WDR70: variants seen among roughly 807,000 people sequenced by gnomAD.
WDR70 encodes the protein WD repeat domain 70, also known as WD repeat-containing protein 70.
In WDR70, 53 loss-of-function variants were observed where a neutral mutation model predicts 88.6. The ratio of observed to expected loss-of-function variants is 0.60; its 90% confidence interval spans 0.48 to 0.75. The LOEUF (loss-of-function observed/expected upper bound fraction) is 0.75, where lower values mean the gene tolerates loss of function less well. Among genes scored for constraint, WDR70 ranks in the 30% least tolerant of loss-of-function variants. The probability of loss-of-function intolerance (pLI) is 0.00; values close to 1 mark genes in which losing one functional copy is unlikely to be tolerated. For missense variants in WDR70, 610 were observed against 823.2 expected, an observed-to-expected ratio of 0.74 and a Z score of 3.17; for synonymous variants, 280 against 270.0, an observed-to-expected ratio of 1.04 and a Z score of -0.36.
Position 37,737,116 on chromosome 5 carries a change from A to G in WDR70, c.1877+10071A>G, listed in dbSNP as rs544180315. Among the ~76,000 whole-genome samples the G allele has an allele frequency of 2.6e-5, 4 of 152,298 alleles. No individual in the cohort carries two copies. The South Asian group carries it at 8.3e-4, about 32-fold the overall frequency. The stretch of plus-strand genomic sequence containing the variant: ...ATGAAGTGAGGAACACCTGATATCC[A>G]AAGCAAGGTATATAATAATAATGAT... On this transcript the variant is annotated intron_variant, in intron 17 of 17. Transcript: ENST00000265107.
At chr5:37,514,071 C>G (rs1740803849) in intron 8 of WDR70, among the ~76,000 whole-genome samples, 1 of 151,700 alleles carries the variant, frequency 6.6e-6, no homozygotes, top group Non-Finnish European at 1.5e-5. Context: ...CTGGAGTATA[C>G]TGGTACAGTT....
intron 8 of WDR70, among the ~76,000 whole-genome samples, chr5:37,498,657 C>T (rs1382635277): frequency 1.3e-4 from 20 of 152,176 alleles, no homozygotes. Flanking sequence ...CTTTATTTCT[C>T]AGTAAATGGC....
chr5:37,496,851 A>G (rs1561875506), intron 8 of WDR70, among the ~76,000 whole-genome samples: 1 of 152,170 alleles, frequency 6.6e-6, no homozygotes, highest in Non-Finnish European at 1.5e-5. Context: ...CTGGGAGATA[A>G]GCAGGCTATG....
chr5:37,505,981 A>G, intron 8 of WDR70: 1 of 1,587,544 alleles, frequency 6.3e-7, no homozygotes, highest in Non-Finnish European at 8.6e-7. Flanking sequence ...TCAAAATTAC[A>G]CAGTTTCAGG....
chr5:37,610,938 A>C (rs561103309), intron 10 of WDR70, among the ~76,000 whole-genome samples: 2 of 152,338 alleles, frequency 1.3e-5, no homozygotes, highest in East Asian at 3.9e-4. Flanking sequence ...CTTACTTCCC[A>C]AAACAGTCTT....
Position 37,487,621 on chromosome 5 carries a change from A to ATTTTTTTTTT in WDR70, c.840+7635_840+7636insTTTTTTTTTT, listed in dbSNP as rs1561871968. ...TATAAATATATATATATATATATAT[A>ATTTTTTTTTT]TATGTATTTTTTTTTTTTTTTTTGA... On this transcript the variant is annotated intron_variant, in intron 8 of 17. Transcript: ENST00000265107. Among the ~76,000 whole-genome samples the ATTTTTTTTTT allele has an allele frequency of 7.4e-4, 28 of 37,678 alleles. 1 individual carries two copies. Among genetic ancestry groups the ATTTTTTTTTT allele is most frequent in the African/African-American group, 2.0e-3 (27 of 13,682 alleles). 24.7% of individuals were successfully genotyped at this position (37,678 alleles called of 152,430 possible).
intron 8 of WDR70, among the ~76,000 whole-genome samples, chr5:37,481,401 G>A (rs1739665576): frequency 6.6e-6 from 1 of 152,088 alleles, no homozygotes; most frequent in Admixed American, 6.5e-5. Flanking sequence ...TGAAATCTAG[G>A]CGGAGGTTCA....
intron 3 of WDR70, among the ~76,000 whole-genome samples, chr5:37,384,544 C>T (rs1438995119): frequency 6.6e-6 from 1 of 150,434 alleles, no homozygotes; most frequent in Non-Finnish European, 1.5e-5. Flanking sequence ...CCTGTAGTCC[C>T]AGCTATTTGG....
chr5:37,639,931 A>G (rs1232735234), intron 10 of WDR70, among the ~76,000 whole-genome samples: 1 of 152,192 alleles, frequency 6.6e-6, no homozygotes, highest in Non-Finnish European at 1.5e-5. Flanking sequence ...ACCACAGCTC[A>G]CTGAAATTGG....
rs142059308 is a variant in WDR70, at chr5:37,405,061, T to C, written c.492+8491T>C. On this transcript the variant is annotated intron_variant, in intron 5 of 17. Coordinates refer to ENST00000265107, the MANE Select transcript of WDR70 (RefSeq NM_018034.4). ...TCTCTTGATGAAAGAGTTCCAAGTCTGAAAATGTTTGAAAATACCAGCGTA... is the reference window on the plus strand; with the variant it reads ...TCTCTTGATGAAAGAGTTCCAAGTCCGAAAATGTTTGAAAATACCAGCGTA... Among the ~76,000 whole-genome samples the C allele has an allele frequency of 4.3e-3, 659 of 152,234 alleles. 9 individuals carry two copies. The highest frequency in any genetic ancestry group is 0.015 in the African/African-American group (627 of 41,546).
intron 3 of WDR70, among the ~76,000 whole-genome samples, chr5:37,387,258 T>C (rs1259060747): frequency 1.3e-5 from 2 of 152,216 alleles, no homozygotes; most frequent in Non-Finnish European, 2.9e-5. Context: ...GTGTATCATC[T>C]ACCTTGGAAG....
At chr5:37,424,148 CAAAAAAAAA>C (rs11304949) in intron 5 of WDR70, among the ~76,000 whole-genome samples, 1 of 55,492 alleles carries the variant, frequency 1.8e-5, no homozygotes, top group Non-Finnish European at 2.9e-5. Context: ...GACTCCATCT[CAAAAAAAAA>C]AAAAAAAAAA....
chr5:37,391,534 T>C (rs1317201963), intron 3 of WDR70, among the ~76,000 whole-genome samples: 1 of 152,240 alleles, frequency 6.6e-6, no homozygotes, highest in Non-Finnish European at 1.5e-5. Flanking sequence ...TTTCTGTGAG[T>C]GGTCTGTCTC....
chr5:37,704,387 A>C (rs1362859840), intron 13 of WDR70, among the ~76,000 whole-genome samples: 1 of 152,230 alleles, frequency 6.6e-6, no homozygotes, highest in Admixed American at 6.5e-5. Flanking sequence ...ATTGTAGCTT[A>C]AGTTGAACTG....
At chr5:37,691,110 G>T (rs1430325104) in intron 10 of WDR70, among the ~76,000 whole-genome samples, 1 of 152,146 alleles carries the variant, frequency 6.6e-6, no homozygotes, top group African/African-American at 2.4e-5. Context: ...AACCAGCAAA[G>T]ATCAAAAGAT....
At chr5:37,712,696 TTTTTAA>T (rs1346821038) in intron 13 of WDR70, among the ~76,000 whole-genome samples, 8 of 151,180 alleles carry the variant, frequency 5.3e-5, no homozygotes, top group African/African-American at 1.5e-4. Context: ...AAAAAAAAAC[TTTTTAA>T]TTTTATTTTT....
intron 10 of WDR70, among the ~76,000 whole-genome samples, chr5:37,691,853 A>G (rs1746805474): frequency 6.6e-6 from 1 of 152,184 alleles, no homozygotes; most frequent in Non-Finnish European, 1.5e-5. Context: ...AATAACTAAG[A>G]TCAGAGCAGA....
intron 10 of WDR70, among the ~76,000 whole-genome samples, chr5:37,696,706 C>T (rs1281451117): frequency 2.0e-5 from 3 of 152,288 alleles, no homozygotes; most frequent in African/African-American, 2.4e-5. Flanking sequence ...ATAGAGGTTA[C>T]TCTATTAATG....
intron 8 of WDR70, among the ~76,000 whole-genome samples, chr5:37,509,816 T>C (rs2112240054): frequency 1.3e-5 from 2 of 151,198 alleles, no homozygotes; most frequent in African/African-American, 4.9e-5. Flanking sequence ...TTTAACAGAC[T>C]TTCCTTCACT....
Sources: allele counts gnomAD v4.1 joint callset (sites outside exome capture counted in the v4.1 genomes callset), GRCh38; gene constraint gnomAD v4.1.1; transcripts MANE v1.5; gene names NCBI Gene and HGNC (gene_info 2026-07-23, HGNC 2026-07-21).